SLC39A11: variants seen among roughly 807,000 people sequenced by gnomAD.
SLC39A11 encodes the protein solute carrier family 39 member 11.
A neutral mutation model predicts 36.1 loss-of-function variants in SLC39A11; 33 were observed. The observed-to-expected ratio is 0.91, with a 90% CI of 0.69 to 1.22. The LOEUF is 1.22. Ranked by LOEUF, SLC39A11 falls within the 50% of genes most tolerant of loss-of-function variation. SLC39A11 has a pLI of 0.00. For missense variants in SLC39A11, 432 were observed against 430.3 expected, an observed-to-expected ratio of 1.00 and a Z score of -0.03; for synonymous variants, 166 against 170.3, an observed-to-expected ratio of 0.97 and a Z score of 0.20.
At chr17:72,745,878 T>A (rs2074914520) in intron 6 of SLC39A11, among the ~76,000 whole-genome samples, 1 of 152,196 alleles carries the variant, frequency 6.6e-6, no homozygotes, top group African/African-American at 2.4e-5. Context: ...GATTAATGAA[T>A]ATTAAACACA....
At chr17:72,943,893 A>G (rs1432590728) in intron 5 of SLC39A11, among the ~76,000 whole-genome samples, 2 of 152,192 alleles carry the variant, frequency 1.3e-5, no homozygotes, top group Non-Finnish European at 2.9e-5. Flanking sequence ...ATGTAACCTA[A>G]GCATGCTCAG....
intron 6 of SLC39A11, among the ~76,000 whole-genome samples, chr17:72,848,357 T>C (rs1388505190): frequency 6.6e-6 from 1 of 152,252 alleles, no homozygotes; most frequent in East Asian, 1.9e-4. Context: ...CTAGTTGCTC[T>C]AAAAGAAACA....
At chr17:72,932,930 G>T (rs1232580306) in intron 5 of SLC39A11, among the ~76,000 whole-genome samples, 1 of 152,130 alleles carries the variant, frequency 6.6e-6, no homozygotes, top group East Asian at 1.9e-4. Flanking sequence ...CAGGACAGTG[G>T]TGGCTTTTCA....
rs1158075780 is a variant in SLC39A11 at position 72,892,527 on chromosome 17, A to C, written c.431-42723T>G. Among the ~76,000 whole-genome samples, 2 of 152,196 alleles carry C rather than the reference A, an allele frequency of 1.3e-5. 1 individual carries two copies. Among genetic ancestry groups the C allele is most frequent in the Middle Eastern group, 6.3e-3 (2 of 316 alleles). On this transcript the variant is annotated intron_variant, in intron 5 of 9. Transcript: ENST00000255559. ...ATTATCTTTCTGGGGTAGAAAAAGAATAAAGATAAATAGATTAAATAATAC... is the reference window on the plus strand; with the variant it reads ...ATTATCTTTCTGGGGTAGAAAAAGACTAAAGATAAATAGATTAAATAATAC...
intron 5 of SLC39A11, among the ~76,000 whole-genome samples, chr17:72,930,092 C>T (rs190115954): frequency 1.3e-5 from 2 of 152,272 alleles, no homozygotes; most frequent in African/African-American, 2.4e-5. Context: ...TTGAAATATA[C>T]GATCAAAACC....
chr17:73,046,318 G>T (rs2059289251), intron 3 of SLC39A11, among the ~76,000 whole-genome samples: 1 of 152,126 alleles, frequency 6.6e-6, no homozygotes, highest in East Asian at 1.9e-4. Flanking sequence ...GGTTCTGAAA[G>T]TGTATTCTGT....
chr17:72,706,543 T>C (rs1427097729), intron 7 of SLC39A11, among the ~76,000 whole-genome samples: 1 of 152,200 alleles, frequency 6.6e-6, no homozygotes, highest in Non-Finnish European at 1.5e-5. Context: ...TAAAGGGCAG[T>C]GGCAAAACAA....
intron 7 of SLC39A11, among the ~76,000 whole-genome samples, chr17:72,696,851 A>G (rs2072327728): frequency 6.6e-6 from 1 of 152,220 alleles, no homozygotes; most frequent in Non-Finnish European, 1.5e-5. Flanking sequence ...GCTCTGTGCT[A>G]GAGGCTTGGC....
chr17:73,090,393 A>C (rs575461904), intron 1 of SLC39A11, among the ~76,000 whole-genome samples: 1 of 152,306 alleles, frequency 6.6e-6, no homozygotes, highest in Admixed American at 6.5e-5. Flanking sequence ...GACCACGCCA[A>C]TTAAAGAAAA....
At chr17:72,832,858 G>A (rs562454103) in intron 6 of SLC39A11, among the ~76,000 whole-genome samples, 2 of 152,254 alleles carry the variant, frequency 1.3e-5, no homozygotes, top group Middle Eastern at 3.4e-3. Context: ...CAACTGAAAC[G>A]TGATCAATTA....
Position 72,871,029 on chromosome 17 carries a change from T to G in SLC39A11, c.431-21225A>C, listed in dbSNP as rs182792063. Among the ~76,000 whole-genome samples, 451 of 150,896 alleles carry G rather than the reference T, an allele frequency of 3.0e-3. 2 individuals are homozygous for G. Among genetic ancestry groups the G allele is most frequent in the African/African-American group, 0.01 (419 of 41,004 alleles). On this transcript the variant is annotated intron_variant, in intron 5 of 9. Coordinates refer to ENST00000255559, the MANE Select transcript of SLC39A11 (RefSeq NM_139177.4). ...TAACAAGCCCTTTTCTGGTTTTTGG[T>G]TTTTTTTGTTTGTTTGTTTTGTTTT...
chr17:72,677,403 A>T (rs938366621), intron 7 of SLC39A11, among the ~76,000 whole-genome samples: 3 of 152,212 alleles, frequency 2.0e-5, no homozygotes, highest in African/African-American at 7.2e-5. Context: ...ATCTGGTCAG[A>T]TGCCACTCCT....
At chr17:72,754,908 T>C (rs769433275) in intron 6 of SLC39A11, among the ~76,000 whole-genome samples, 1 of 152,198 alleles carries the variant, frequency 6.6e-6, no homozygotes, top group African/African-American at 2.4e-5. Context: ...CAAGCATGCA[T>C]AGAAAGAGAC....
intron 5 of SLC39A11, among the ~76,000 whole-genome samples, chr17:72,858,392 T>C (rs1459387917): frequency 6.6e-6 from 1 of 152,244 alleles, no homozygotes; most frequent in Admixed American, 6.5e-5. Flanking sequence ...TATGGTATAG[T>C]TTGAAGTTCG....
At chr17:72,790,258 TCTGGTTGTGAGAAAGAATCCATC>T (rs1305001962) in intron 6 of SLC39A11, among the ~76,000 whole-genome samples, 3 of 152,166 alleles carry the variant, frequency 2.0e-5, no homozygotes, top group African/African-American at 7.2e-5. Flanking sequence ...CCAGGGGGTT[TCTGGTTGTGAGAAAGAATCCATC>T]CTGGTTGCCC....
At chr17:73,059,865 A>C (rs1048779655) in intron 3 of SLC39A11, among the ~76,000 whole-genome samples, 1 of 152,102 alleles carries the variant, frequency 6.6e-6, no homozygotes, top group African/African-American at 2.4e-5. Context: ...AACTGATGGA[A>C]TATAAGAAGG....
At chr17:73,043,095 C>T (rs1000175650) in intron 3 of SLC39A11, among the ~76,000 whole-genome samples, 1 of 151,942 alleles carries the variant, frequency 6.6e-6, no homozygotes, top group African/African-American at 2.4e-5. Context: ...TGCAGTCATG[C>T]CAAGAAAGGG....
Position 72,805,752 on chromosome 17 carries a change from C to T in SLC39A11, c.601+43882G>A, listed in dbSNP as rs796772257. Among the ~76,000 whole-genome samples the T allele has an allele frequency of 4.0e-3, 579 of 145,674 alleles. 5 individuals carry two copies. The highest frequency in any genetic ancestry group is 0.014 in the African/African-American group (556 of 39,968). On this transcript the variant is annotated intron_variant, in intron 6 of 9. Transcript: ENST00000255559. ...TTAATTTTTTTTTCTTTTTCTTTTT[C>T]TTTTTTTTTTTTCTGAGATGGAGTC...
At chr17:72,802,196 A>C (rs1198376670) in intron 6 of SLC39A11, among the ~76,000 whole-genome samples, 2 of 152,168 alleles carry the variant, frequency 1.3e-5, no homozygotes, top group Non-Finnish European at 2.9e-5. Flanking sequence ...CTTGGCAATG[A>C]AATATCCCAC....
Sources: allele counts gnomAD v4.1 joint callset (sites outside exome capture counted in the v4.1 genomes callset), GRCh38; gene constraint gnomAD v4.1.1; transcripts MANE v1.5; gene names NCBI Gene and HGNC (gene_info 2026-07-23, HGNC 2026-07-21).